The following MASP1 variants were observed in gnomAD, a reference collection of about 807,000 sequenced individuals.
MASP1 encodes the protein MBL associated serine protease 1, also known as mannan-binding lectin serine protease 1.
Under a neutral mutation model 77.1 loss-of-function variants are expected in MASP1, and 59 were observed. The observed-to-expected ratio is 0.77, with a 90% confidence interval of 0.62 to 0.95. The LOEUF is 0.95. Ranked by LOEUF, MASP1 falls within the 40% of genes least tolerant of loss-of-function variation. The probability of loss-of-function intolerance (pLI) is 0.00; values close to 1 mark genes in which losing one functional copy is unlikely to be tolerated. For missense variants in MASP1, 885 were observed against 912.9 expected, an observed-to-expected ratio of 0.97 and a Z score of 0.39; for synonymous variants, 362 against 354.5, an observed-to-expected ratio of 1.02 and a Z score of -0.24.
intron 1 of MASP1, among the ~76,000 whole-genome samples, chr3:187,289,722 G>T (rs981143648): frequency 6.6e-6 from 1 of 152,144 alleles, no homozygotes; most frequent in African/African-American, 2.4e-5. Context: ...TAATACACTT[G>T]GCTGAAAGTC....
At chr3:187,220,357 C>G in intron 15 of MASP1, 1 of 1,143,944 alleles carries the variant, frequency 8.7e-7, no homozygotes, top group South Asian at 1.4e-5. Flanking sequence ...GAATTGGGCA[C>G]TAGAGGGCAT....
At chr3:187,264,319 C>T (rs914744012) in intron 2 of MASP1, among the ~76,000 whole-genome samples, 1 of 152,190 alleles carries the variant, frequency 6.6e-6, no homozygotes, top group Non-Finnish European at 1.5e-5. Flanking sequence ...CGAACTCACA[C>T]CAGTCTTGTT....
intron 10 of MASP1, among the ~76,000 whole-genome samples, chr3:187,239,632 C>T (rs1713465289): frequency 6.6e-6 from 1 of 152,162 alleles, no homozygotes; most frequent in South Asian, 2.1e-4. Flanking sequence ...GCTACAGCCC[C>T]ACCATTCCTC....
chr3:187,220,049 T>A lies in MASP1; in HGVS notation c.*22A>T, dbSNP rs199705537. ...GCTACTGACTGCCCACAGCTGGTGG[T>A]GCTGGGGCTGAGGAGCCAAATTCAG... On this transcript the variant is annotated 3_prime_UTR_variant, in exon 16 of 16. Coordinates refer to the MASP1 transcript ENST00000337774. The A allele has an allele frequency of 6.0e-5, 96 of 1,612,222 alleles. No individual in the cohort carries two copies. In the African/African-American group the frequency reaches 1.1e-3, roughly 19 times the overall value.
chr3:187,221,697 C>T (rs1712069283), intron 14 of MASP1, among the ~76,000 whole-genome samples: 1 of 152,178 alleles, frequency 6.6e-6, no homozygotes, highest in South Asian at 2.1e-4. Flanking sequence ...GCTGGCTTTG[C>T]AGCAAGCACT....
chr3:187,265,711 G>A (rs1435043612), intron 2 of MASP1, among the ~76,000 whole-genome samples: 2 of 152,164 alleles, frequency 1.3e-5, no homozygotes, highest in Non-Finnish European at 2.9e-5. Context: ...GAGATAACAT[G>A]AACATTTTCT....
intron 2 of MASP1, among the ~76,000 whole-genome samples, chr3:187,275,199 C>G (rs1192887785): frequency 6.6e-6 from 1 of 152,214 alleles, no homozygotes; most frequent in African/African-American, 2.4e-5. Context: ...CTGTGTTCTT[C>G]TGCGGCAGAA....
At chr3:187,256,611 A>G in intron 5 of MASP1, 53 bp downstream of exon 5, 1 of 1,587,672 alleles carries the variant, frequency 6.3e-7, no homozygotes, top group East Asian at 2.2e-5. Flanking sequence ...AATTTTCCCA[A>G]CTCAGCCAAG....
intron 1 of MASP1, among the ~76,000 whole-genome samples, chr3:187,286,631 A>G (rs698106): frequency 0.76 from 116,364 of 152,196 alleles, 45,850 homozygotes; most frequent in East Asian, 0.89. Flanking sequence ...AGGAATCAGA[A>G]ATAATAGACT....
intron 4 of MASP1, among the ~76,000 whole-genome samples, chr3:187,260,192 C>T (rs1420520731): frequency 2.0e-5 from 3 of 152,186 alleles, no homozygotes; most frequent in Non-Finnish European, 2.9e-5. Flanking sequence ...TTCTCCATCC[C>T]TCCCTAAGCA....
Position 187,243,476 on chromosome 3 carries a change from T to G in MASP1, c.1228+8A>C. ...CGGGAGTGGGATGGCTTAGCATGGA[T>G]GGCTTACCTGTGTTATTGTTGAGCA... On this transcript the variant is annotated splice_region_variant and intron_variant, in intron 9 of 10. Coordinates refer to ENST00000296280, the MANE Select transcript of MASP1 (RefSeq NM_139125.4). The G allele has an allele frequency of 6.2e-7, 1 of 1,614,164 alleles. No individual in the cohort carries two copies. The highest frequency in any genetic ancestry group is 8.5e-7 in the Non-Finnish European group (1 of 1,180,008).
intron 2 of MASP1, among the ~76,000 whole-genome samples, chr3:187,282,147 C>G (rs528436084): frequency 1.3e-5 from 2 of 152,272 alleles, no homozygotes; most frequent in Admixed American, 1.3e-4. Flanking sequence ...GCAAAACCAC[C>G]TTCAGCTAGA....
chr3:187,284,518 T>C (rs1717689074), intron 2 of MASP1, among the ~76,000 whole-genome samples: 1 of 152,210 alleles, frequency 6.6e-6, no homozygotes, highest in Non-Finnish European at 1.5e-5. Flanking sequence ...GGAAAATTTT[T>C]AGACGCAGAG....
intron 8 of MASP1, chr3:187,244,172 C>A (rs1381976529): frequency 6.2e-6 from 1 of 161,996 alleles, no homozygotes; most frequent in Non-Finnish European, 1.4e-5. Flanking sequence ...TGCCTCTCTA[C>A]AGGCAGCTTG....
At chr3:187,282,298 A>G (rs1391866882) in intron 2 of MASP1, among the ~76,000 whole-genome samples, 1 of 152,044 alleles carries the variant, frequency 6.6e-6, no homozygotes, top group Admixed American at 6.6e-5. Context: ...GGAGGTCAAG[A>G]CCATCCTGGC....
chr3:187,247,197 G>C (rs1714158308), intron 8 of MASP1: 6 of 1,562,960 alleles, frequency 3.8e-6, no homozygotes, highest in African/African-American at 1.4e-5. Context: ...AGATCATGTT[G>C]TTCAGCACCC....
intron 8 of MASP1, among the ~76,000 whole-genome samples, chr3:187,249,485 G>A (rs1322296774): frequency 1.3e-5 from 2 of 152,132 alleles, no homozygotes; most frequent in Non-Finnish European, 2.9e-5. Context: ...TAAAACTGTG[G>A]TCCTTATAAG....
chr3:187,225,011 T>C (rs954177844), intron 13 of MASP1, among the ~76,000 whole-genome samples: 1 of 152,254 alleles, frequency 6.6e-6, no homozygotes, highest in African/African-American at 2.4e-5. Context: ...GCAGGTACCA[T>C]CTCTATGATC....
intron 6 of MASP1, 107 bp downstream of exon 6, chr3:187,253,061 A>G (rs533842031): frequency 6.9e-7 from 1 of 1,440,346 alleles, no homozygotes; most frequent in Non-Finnish European, 9.7e-7. Context: ...TGGGAGTCCC[A>G]TCAGGTCTCC....
Sources: allele counts gnomAD v4.1 joint callset (sites outside exome capture counted in the v4.1 genomes callset), GRCh38; gene constraint gnomAD v4.1.1; transcripts MANE v1.5; gene names NCBI Gene and HGNC (gene_info 2026-07-23, HGNC 2026-07-21).